SAXO1: variants seen among roughly 807,000 people sequenced by gnomAD.
The protein encoded by SAXO1 is stabilizer of axonemal microtubules 1.
SAXO1 carries 21 observed loss-of-function variants against 17.5 expected under a neutral mutation model. The ratio of observed to expected loss-of-function variants is 1.20; its 90% CI spans 0.85 to 1.72. The LOEUF is 1.72. SAXO1 is among the 40% of genes most tolerant of loss of function. SAXO1 has a pLI of 0.00. For missense variants in SAXO1, 843 were observed against 596.0 expected, an observed-to-expected ratio of 1.41 and a Z score of -4.32; for synonymous variants, 274 against 216.5, an observed-to-expected ratio of 1.27 and a Z score of -2.33.
chr9:18,974,739 C>A (rs1294081967), intron 1 of SAXO1, among the ~76,000 whole-genome samples: 1 of 152,154 alleles, frequency 6.6e-6, no homozygotes, highest in African/African-American at 2.4e-5. Context: ...GAAGAGAAAG[C>A]TCTTTCTTAT....
At chr9:19,043,768 GAA>G in intron 1 of SAXO1, among the ~76,000 whole-genome samples, 1 of 138,888 alleles carries the variant, frequency 7.2e-6, no homozygotes, top group African/African-American at 2.6e-5. Flanking sequence ...ACCCTGTCTC[GAA>G]AAAAAAAAAG....
intron 1 of SAXO1, among the ~76,000 whole-genome samples, chr9:19,015,233 A>T (rs529029826): frequency 1.3e-5 from 2 of 152,322 alleles, no homozygotes; most frequent in South Asian, 4.1e-4. Context: ...TGGCATGATC[A>T]TGGCTTACCG....
At chr9:18,948,388 A>T (rs557026666) in intron 2 of SAXO1, among the ~76,000 whole-genome samples, 2 of 152,298 alleles carry the variant, frequency 1.3e-5, no homozygotes, top group East Asian at 3.9e-4. Flanking sequence ...CCTGTGGACA[A>T]CCTTGATCCT....
chr9:18,984,161 A>C (rs1195741144), intron 1 of SAXO1, among the ~76,000 whole-genome samples: 1 of 152,096 alleles, frequency 6.6e-6, no homozygotes, highest in Non-Finnish European at 1.5e-5. Flanking sequence ...TCTTCAGAAA[A>C]CCATGTTGTA....
intron 2 of SAXO1, among the ~76,000 whole-genome samples, chr9:18,946,919 T>G (rs1831820123): frequency 6.6e-6 from 1 of 152,084 alleles, no homozygotes; most frequent in African/African-American, 2.4e-5. Context: ...AAACTTGAAG[T>G]TGAAACTAGG....
Position 19,047,813 on chromosome 9 carries a change from GA to G in SAXO1, c.-158+1395del, listed in dbSNP as rs566349476. Reference sequence around the variant, plus strand: ...TTACTCTCCTCATACTTTTTATCTGGAAACTATTGGAACATGTGTTCCACCA... The same window carrying G: ...TTACTCTCCTCATACTTTTTATCTGGAACTATTGGAACATGTGTTCCACCA... On this transcript the variant is annotated intron_variant, in intron 1 of 3. Transcript: ENST00000542071. Among the ~76,000 whole-genome samples the G allele has an allele frequency of 3.1e-3, 473 of 152,258 alleles. 1 individual carries two copies. The highest frequency in any genetic ancestry group is 0.01 in the Middle Eastern group (3 of 294).
Position 18,954,241 on chromosome 9 carries a change from T to G in SAXO1, c.39-3304A>C, listed in dbSNP as rs1832153810. Among the ~76,000 whole-genome samples the G allele has an allele frequency of 2.0e-5, 3 of 152,190 alleles. No homozygotes were observed. The South Asian group carries it at 6.2e-4, about 32-fold the overall frequency. ...TTGGAAAAGAGAGTAGTAGAGACCT[T>G]ATGATGGATCTCAGAAATAATTAAC... On this transcript the variant is annotated intron_variant, in intron 1 of 3. Transcript: ENST00000380534.
chr9:18,961,897 C>G, intron 1 of SAXO1, among the ~76,000 whole-genome samples: 1 of 152,076 alleles, frequency 6.6e-6, no homozygotes, highest in Non-Finnish European at 1.5e-5. Context: ...GGTTCTAGAT[C>G]CTTGAGGAAT....
At chr9:19,010,478 G>GAAA (rs567438499) in intron 1 of SAXO1, among the ~76,000 whole-genome samples, 23 of 143,148 alleles carry the variant, frequency 1.6e-4, no homozygotes, top group African/African-American at 5.3e-4. Flanking sequence ...ATATTTCTAG[G>GAAA]AAAAAAAAAA....
intron 1 of SAXO1, among the ~76,000 whole-genome samples, chr9:18,984,660 G>T (rs988863940): frequency 1.3e-5 from 2 of 152,212 alleles, no homozygotes; most frequent in African/African-American, 4.8e-5. Context: ...AAGAGTTAGG[G>T]CCTTGCTCTG....
intron 1 of SAXO1, among the ~76,000 whole-genome samples, chr9:19,024,439 T>C (rs1459252475): frequency 2.6e-5 from 4 of 151,620 alleles, no homozygotes; most frequent in Non-Finnish European, 5.9e-5. Flanking sequence ...CCGGGGACAG[T>C]TGTGGGGTGG....
intron 1 of SAXO1, chr9:19,028,077 G>A: frequency 6.2e-7 from 1 of 1,611,964 alleles, no homozygotes; most frequent in African/African-American, 1.3e-5. Flanking sequence ...AGGACTACAT[G>A]GAAGGCATCC....
chr9:18,991,586 G>C (rs1833816125), intron 1 of SAXO1, among the ~76,000 whole-genome samples: 1 of 152,096 alleles, frequency 6.6e-6, no homozygotes, highest in African/African-American at 2.4e-5. Flanking sequence ...GAAAGGGGGA[G>C]GGATAGCATT....
rs565589652 is a variant in SAXO1 at position 19,017,205 on chromosome 9, T to C, written c.38+15666A>G. Reference sequence around the variant, plus strand: ...AAAGAAAAAGAAAAAAAAAGATCAATTGATGCCAAAAAATCTGGAGTGACA... The same window carrying C: ...AAAGAAAAAGAAAAAAAAAGATCAACTGATGCCAAAAAATCTGGAGTGACA... On this transcript the variant is annotated intron_variant, in intron 1 of 3. Coordinates refer to ENST00000380534, the MANE Select transcript of SAXO1 (RefSeq NM_153707.4). Among the ~76,000 whole-genome samples the C allele has an allele frequency of 2.6e-5, 4 of 152,050 alleles. No individual in the cohort carries two copies. In the South Asian group the frequency reaches 6.2e-4, roughly 24 times the overall value.
intron 1 of SAXO1, among the ~76,000 whole-genome samples, chr9:18,977,982 T>C (rs1482166682): frequency 1.8e-5 from 2 of 112,516 alleles, no homozygotes; most frequent in Non-Finnish European, 3.4e-5. Flanking sequence ...GGTAAGAGAA[T>C]GAGACCCTGC....
At chr9:19,008,419 G>C (rs1303899769) in intron 1 of SAXO1, among the ~76,000 whole-genome samples, 1 of 152,136 alleles carries the variant, frequency 6.6e-6, no homozygotes, top group Non-Finnish European at 1.5e-5. Context: ...CCAAGCAATA[G>C]GGCCATTCTC....
chr9:18,999,225 G>GAC (rs1301147873), intron 1 of SAXO1, among the ~76,000 whole-genome samples: 2 of 152,264 alleles, frequency 1.3e-5, no homozygotes, highest in Admixed American at 1.3e-4. Context: ...TAGGTGGAAA[G>GAC]ACACACACAG....
intron 2 of SAXO1, among the ~76,000 whole-genome samples, chr9:18,943,996 G>T (rs58632797): frequency 6.6e-6 from 1 of 152,190 alleles, no homozygotes; most frequent in East Asian, 1.9e-4. Context: ...ACTAAAGCAC[G>T]CTTATTGCGC....
At chr9:19,024,088 C>A (rs189781276) in intron 1 of SAXO1, among the ~76,000 whole-genome samples, 1 of 119,642 alleles carries the variant, frequency 8.4e-6, no homozygotes, top group South Asian at 3.0e-4. Context: ...AGCTCAAAAT[C>A]CATCCATGGC....
Sources: allele counts gnomAD v4.1 joint callset (sites outside exome capture counted in the v4.1 genomes callset), GRCh38; gene constraint gnomAD v4.1.1; transcripts MANE v1.5; gene names NCBI Gene and HGNC (gene_info 2026-07-23, HGNC 2026-07-21).